The following CSRNP3 variants were observed in gnomAD, a reference collection of about 807,000 sequenced individuals.
CSRNP3 encodes cysteine/serine-rich nuclear protein 3.
Under a neutral mutation model 48.0 loss-of-function variants are expected in CSRNP3, and 12 were observed. The ratio of observed to expected loss-of-function variants is 0.25; its 90% CI spans 0.16 to 0.41. The LOEUF is 0.41. CSRNP3 is among the 10% of genes least tolerant of loss of function. CSRNP3 has a pLI of 1.00. For missense variants in CSRNP3, 580 were observed against 724.4 expected (o/e 0.80, Z 2.29); for synonymous variants, 263 against 269.7 (o/e 0.98, Z 0.24).
chr2:165,662,010 GA>G (rs1687105278), intron 5 of CSRNP3, among the ~76,000 whole-genome samples: 1 of 151,918 alleles, frequency 6.6e-6, no homozygotes, highest in East Asian at 1.9e-4. Context: ...TCCAAATAGA[GA>G]ACACATTTAT....
chr2:165,505,048 T>G (rs1350268251), intron 2 of CSRNP3, among the ~76,000 whole-genome samples: 1 of 152,102 alleles, frequency 6.6e-6, no homozygotes, highest in Non-Finnish European at 1.5e-5. Flanking sequence ...TAACTCTCAT[T>G]TTCAGAAAAC....
intron 5 of CSRNP3, among the ~76,000 whole-genome samples, chr2:165,660,624 C>T (rs1323704065): frequency 6.6e-6 from 1 of 152,128 alleles, no homozygotes; most frequent in African/African-American, 2.4e-5. Context: ...AACCTTCTCC[C>T]ATGTGCTATG....
chr2:165,642,963 G>A (rs182274642), intron 4 of CSRNP3, among the ~76,000 whole-genome samples: 8 of 152,328 alleles, frequency 5.3e-5, no homozygotes, highest in African/African-American at 1.4e-4. Context: ...AGGAAAAAGA[G>A]AAGGGAGAAA....
Position 165,657,952 on chromosome 2 carries a change from G to A in CSRNP3, c.340G>A (p.Glu114Lys). The A allele has an allele frequency of 1.2e-6, 2 of 1,613,976 alleles. No individual in the cohort carries two copies. Among genetic ancestry groups the A allele is most frequent in the East Asian group, 2.2e-5 (1 of 44,830 alleles). Residue 114 changes from glutamate to lysine, a missense_variant, in exon 5 of 7, where the codon GAG (glutamate) becomes AAG (lysine). Physicochemically the swap from Glu to Lys is moderately conservative, Grantham distance 56 (BLOSUM62 1). This residue lies in a region of CSRNP3 where 62 missense variants were observed against 66.4 expected (regional missense o/e 0.93). Transcript: ENST00000651982. Reference sequence around the variant, plus strand: ...TCTTGGCGAGTTTGCAAGGGAGCAGGAGAGGCTCCACCGGGAGATGTTGAG... The same window carrying A: ...TCTTGGCGAGTTTGCAAGGGAGCAGAAGAGGCTCCACCGGGAGATGTTGAG... ...YTLGEFAREQ[E>K]RLHREMLREH...
At chr2:165,610,324 C>T (rs1686115367) in intron 4 of CSRNP3, among the ~76,000 whole-genome samples, 1 of 152,132 alleles carries the variant, frequency 6.6e-6, no homozygotes, top group Admixed American at 6.5e-5. Context: ...CATTTTGCAT[C>T]CAACTCAGAA....
At chr2:165,490,972 T>G (rs1000685414) in intron 1 of CSRNP3, among the ~76,000 whole-genome samples, 1 of 139,466 alleles carries the variant, frequency 7.2e-6, no homozygotes, top group Non-Finnish European at 1.6e-5. Context: ...ACTAAAGAGC[T>G]TCTGCACAGC....
chr2:165,586,638 T>A (rs959730479), intron 3 of CSRNP3, among the ~76,000 whole-genome samples: 1 of 152,132 alleles, frequency 6.6e-6, no homozygotes, highest in African/African-American at 2.4e-5. Context: ...TTAAGACATA[T>A]TTTCTGTGGT....
At chr2:165,502,989 A>T (rs1417957583) in intron 2 of CSRNP3, among the ~76,000 whole-genome samples, 1 of 151,842 alleles carries the variant, frequency 6.6e-6, no homozygotes, top group East Asian at 1.9e-4. Context: ...TTATTATGAT[A>T]GTGATTTTCT....
intron 3 of CSRNP3, among the ~76,000 whole-genome samples, chr2:165,546,798 T>G (rs1481184150): frequency 1.3e-5 from 2 of 152,214 alleles, no homozygotes; most frequent in Non-Finnish European, 2.9e-5. Context: ...TGAAAACCTA[T>G]GTATAATTTG....
At chr2:165,622,909 G>A (rs892347271) in intron 4 of CSRNP3, among the ~76,000 whole-genome samples, 3 of 152,050 alleles carry the variant, frequency 2.0e-5, no homozygotes, top group African/African-American at 7.2e-5. Context: ...ATACTCACTC[G>A]TAACACTTTC....
intron 2 of CSRNP3, among the ~76,000 whole-genome samples, chr2:165,508,091 T>A (rs1328125360): frequency 1.3e-5 from 2 of 151,984 alleles, no homozygotes; most frequent in Non-Finnish European, 2.9e-5. Context: ...TTCCTATCAG[T>A]GGATGTCAGT....
intron 5 of CSRNP3, among the ~76,000 whole-genome samples, chr2:165,673,858 T>C (rs1475972697): frequency 2.0e-5 from 3 of 151,920 alleles, no homozygotes; most frequent in African/African-American, 7.3e-5. Context: ...CCATCTCTAC[T>C]AAAAATACAA....
At chr2:165,546,492 C>G (rs1268210019) in intron 3 of CSRNP3, among the ~76,000 whole-genome samples, 1 of 152,094 alleles carries the variant, frequency 6.6e-6, no homozygotes, top group Admixed American at 6.6e-5. Flanking sequence ...AGCCTAGCCT[C>G]TCTGTCTTCT....
At chr2:165,667,095 GAGAAA>G (rs778950795) in intron 5 of CSRNP3, among the ~76,000 whole-genome samples, 115 of 31,758 alleles carry the variant, frequency 3.6e-3, no homozygotes, top group African/African-American at 5.6e-3. Context: ...AAGAGAGAGA[GAGAAA>G]AGGAAGGAAG....
chr2:165,522,583 T>C (rs1002314191), intron 3 of CSRNP3, among the ~76,000 whole-genome samples: 8 of 151,762 alleles, frequency 5.3e-5, no homozygotes, highest in South Asian at 2.1e-4. Context: ...AATGCAATCA[T>C]TGGGGTGATT....
rs924001311 is a variant in CSRNP3 at position 165,571,992 on chromosome 2, A to G, written c.-23-23051A>G. Among the ~76,000 whole-genome samples the G allele has an allele frequency of 5.9e-5, 9 of 152,330 alleles. 1 individual carries two copies. Among genetic ancestry groups the G allele is most frequent in the Admixed American group, 5.2e-4 (8 of 15,290 alleles). On this transcript the variant is annotated intron_variant, in intron 3 of 6. Coordinates refer to ENST00000651982, the MANE Select transcript of CSRNP3 (RefSeq NM_001172173.2). ...AAAACATATTGCCAAATCATTCAGT[A>G]GCGCAAGGCTCTTTAATAACATTTG...
At chr2:165,482,815 C>T (rs1213761797) in intron 1 of CSRNP3, among the ~76,000 whole-genome samples, 1 of 152,114 alleles carries the variant, frequency 6.6e-6, no homozygotes, top group East Asian at 1.9e-4. Flanking sequence ...TCTACCGTGT[C>T]TCCAAATATA....
At chr2:165,607,888 G>A (rs555518822) in intron 4 of CSRNP3, among the ~76,000 whole-genome samples, 9 of 151,750 alleles carry the variant, frequency 5.9e-5, no homozygotes, top group Non-Finnish European at 8.8e-5. Flanking sequence ...TTCTTCTTTC[G>A]CAAAATGTGA....
At chr2:165,664,271 G>A (rs10203713) in intron 5 of CSRNP3, among the ~76,000 whole-genome samples, 68,213 of 152,020 alleles carry the variant, frequency 0.45, 15,339 homozygotes, top group East Asian at 0.55. Flanking sequence ...TGTCCAACTT[G>A]TACCACAAAA....
Sources: gnomAD v4.1 joint callset for allele counts (sites outside exome capture counted in the v4.1 genomes callset) on GRCh38, gnomAD v4.1.1 for gene constraint, gnomAD v4.1.1 regional missense constraint, MANE v1.5 for transcripts, NCBI Gene and HGNC (gene_info 2026-07-23, HGNC 2026-07-21) for gene names.